The following LRRC8C variants were observed in gnomAD, a reference collection of about 807,000 sequenced individuals.
The protein encoded by LRRC8C is leucine rich repeat containing 8 VRAC subunit C.
Under a neutral mutation model 55.3 loss-of-function variants are expected in LRRC8C, and 20 were observed. The ratio of observed to expected loss-of-function variants is 0.36; its 90% CI spans 0.25 to 0.53. The LOEUF (loss-of-function observed/expected upper bound fraction) is 0.53. LRRC8C is among the 20% of genes least tolerant of loss of function. The pLI, the probability that LRRC8C is intolerant of heterozygous loss-of-function variation, is 0.92. For synonymous variants in LRRC8C, 376 were observed against 360.7 expected (o/e 1.04, Z -0.48); for missense variants, 659 against 951.4 (o/e 0.69, Z 4.04).
intron 1 of LRRC8C, among the ~76,000 whole-genome samples, chr1:89,646,929 CA>C (rs1277308328): frequency 6.6e-6 from 1 of 151,944 alleles, no homozygotes; most frequent in African/African-American, 2.4e-5. Flanking sequence ...TAAAATTTAC[CA>C]AAAAATCTTA....
intron 2 of LRRC8C, 36 bp downstream of exon 2, chr1:89,686,647 A>G: frequency 6.2e-7 from 1 of 1,611,082 alleles, no homozygotes. Flanking sequence ...TGGGGGCCAG[A>G]GCAAAGCACA....
In LRRC8C at chr1:89,713,719, C is replaced by G. The variant is rs760078127; in HGVS notation, c.1149C>G (p.Leu383=). ...MLHMIDQYDP[L]YSKRFAVFLS... is the part of the protein sequence containing the mutation. ...ATATGATAGATCAGTATGACCCTCTCTATTCCAAGAGATTTGCAGTGTTCC... is the reference window on the plus strand; with the variant it reads ...ATATGATAGATCAGTATGACCCTCTGTATTCCAAGAGATTTGCAGTGTTCC... Residue 383 remains leucine, a synonymous_variant, in exon 3 of 3, where the codon CTC becomes CTG. Transcript: ENST00000370454. This position sits in a 1 kb window ranked among gnomAD's most constrained non-coding sequence, Gnocchi z 5.2. The G allele has an allele frequency of 2.3e-5, 37 of 1,614,092 alleles. No homozygotes were observed. The highest frequency in any genetic ancestry group is 1.4e-5 in the Non-Finnish European group (17 of 1,180,048).
chr1:89,648,064 G>T (rs183514319), intron 1 of LRRC8C, among the ~76,000 whole-genome samples: 1 of 152,140 alleles, frequency 6.6e-6, no homozygotes, highest in African/African-American at 2.4e-5. Context: ...GCAAGACCCT[G>T]TCTCAAAAAT....
chr1:89,674,627 A>G lies in LRRC8C; in HGVS notation c.-4-11843A>G, dbSNP rs79498767. Among the ~76,000 whole-genome samples, 1,170 of 152,286 alleles carry G rather than the reference A, an allele frequency of 7.7e-3. 12 individuals are homozygous for G. Among genetic ancestry groups the G allele is most frequent in the Non-Finnish European group, 8.6e-3 (583 of 68,030 alleles). ...TTTTTCCTGGAGGCTGGAGGACCTG[A>G]AATTTTTCCTTCCATCACAAACTTT... is the stretch of plus-strand genomic sequence containing the variant. On this transcript the variant is annotated intron_variant, in intron 1 of 2. Coordinates refer to ENST00000370454, the MANE Select transcript of LRRC8C (RefSeq NM_032270.5).
chr1:89,634,371 A>C (rs549275495), intron 1 of LRRC8C, among the ~76,000 whole-genome samples: 6 of 152,320 alleles, frequency 3.9e-5, no homozygotes, highest in Admixed American at 2.6e-4. Context: ...CTCCATTTAA[A>C]GCAGCCTTTG....
chr1:89,651,460 C>T lies in LRRC8C; in HGVS notation c.-5+18138C>T, dbSNP rs368595533. ...GCGGGCGCCTCTACTCCCAGCTACT[C>T]GGGAGGCTGAGGCAGGAGAATGGCA... On this transcript the variant is annotated intron_variant, in intron 1 of 2. Coordinates refer to ENST00000370454, the MANE Select transcript of LRRC8C (RefSeq NM_032270.5). 6.4e-4 allele frequency among the ~76,000 whole-genome samples: 94 copies of T among 147,060 alleles called. 2 individuals are homozygous for T. Among genetic ancestry groups the T allele is most frequent in the Middle Eastern group, 3.6e-3 (1 of 274 alleles).
At chr1:89,702,967 C>T (rs1437851481) in intron 2 of LRRC8C, among the ~76,000 whole-genome samples, 2 of 152,190 alleles carry the variant, frequency 1.3e-5, no homozygotes, top group African/African-American at 2.4e-5. Context: ...AATCAAAACA[C>T]ACGCTCATGA....
chr1:89,634,630 T>C (rs565538911), intron 1 of LRRC8C, among the ~76,000 whole-genome samples: 136 of 152,362 alleles, frequency 8.9e-4, no homozygotes, highest in Non-Finnish European at 1.4e-3. Context: ...ATAATTTTTA[T>C]ACATTTATAA....
chr1:89,643,017 C>CA (rs34145647), intron 1 of LRRC8C, among the ~76,000 whole-genome samples: 1,388 of 109,346 alleles, frequency 0.013, 27 homozygotes, highest in African/African-American at 0.03. Context: ...GACTGTGTCT[C>CA]AAAAAAAAAA....
intron 2 of LRRC8C, among the ~76,000 whole-genome samples, chr1:89,689,052 C>T (rs193121467): frequency 2.0e-4 from 31 of 152,242 alleles, no homozygotes; most frequent in Admixed American, 9.8e-4. Context: ...GCAGTGTGGA[C>T]GGCTACATGG....
At chr1:89,668,844 T>G (rs986949102) in intron 1 of LRRC8C, among the ~76,000 whole-genome samples, 1 of 152,156 alleles carries the variant, frequency 6.6e-6, no homozygotes, top group African/African-American at 2.4e-5. Flanking sequence ...TTAGTAAGCA[T>G]GATAACATTA....
chr1:89,646,706 A>G (rs1246762999), intron 1 of LRRC8C, among the ~76,000 whole-genome samples: 1 of 152,146 alleles, frequency 6.6e-6, no homozygotes, highest in Non-Finnish European at 1.5e-5. Flanking sequence ...CTAAGCAATT[A>G]TATCTTCTCT....
intron 1 of LRRC8C, chr1:89,668,266 G>A (rs1459523191): frequency 6.6e-6 from 1 of 152,370 alleles, no homozygotes; most frequent in African/African-American, 2.4e-5. Context: ...CAATATTTGG[G>A]GACTGCATTC....
intron 2 of LRRC8C, among the ~76,000 whole-genome samples, chr1:89,706,832 C>T (rs1446673422): frequency 2.0e-5 from 3 of 152,054 alleles, no homozygotes; most frequent in Admixed American, 6.5e-5. Flanking sequence ...TTTCATTGAC[C>T]TTAGAATTGA....
chr1:89,697,446 G>C (rs542838872), intron 2 of LRRC8C, among the ~76,000 whole-genome samples: 1 of 152,240 alleles, frequency 6.6e-6, no homozygotes, highest in South Asian at 2.1e-4. Flanking sequence ...AGGGTTTCTA[G>C]AGCTAAGTCA....
At position 89,714,039 on chromosome 1, in the gene LRRC8C, AG is replaced by A. The variant is rs769643634; in HGVS notation, c.1471del (p.Glu491LysfsTer6). 1 of 1,613,812 alleles carries A rather than the reference AG, an allele frequency of 6.2e-7. No individual in the cohort carries two copies. The highest frequency in any genetic ancestry group is 8.5e-7 in the Non-Finnish European group (1 of 1,180,020). On this transcript the variant is annotated frameshift_variant, in exon 3 of 3. Transcript: ENST00000370454. LOFTEE classifies it high-confidence loss of function. The surrounding 1 kb of genome is among the most constrained non-coding windows in gnomAD (Gnocchi z 4.6). ...CACAGTGCGGCGCTCTCTTTCCTGA[AG>A]GAAAACCTCAAGGTCTTGAGCGTCA... ...KIHSAALSFL[K>X]ENLKVLSVKF...
chr1:89,667,846 T>G (rs1657314908), intron 1 of LRRC8C, among the ~76,000 whole-genome samples: 1 of 152,192 alleles, frequency 6.6e-6, no homozygotes, highest in South Asian at 2.1e-4. Flanking sequence ...ACATAAAGTT[T>G]ACCTAAAGTA....
chr1:89,651,103 A>T (rs1473870195), intron 1 of LRRC8C, among the ~76,000 whole-genome samples: 1 of 152,130 alleles, frequency 6.6e-6, no homozygotes, highest in Admixed American at 6.5e-5. Flanking sequence ...GCTGACAATA[A>T]CTGTTTCTCT....
chr1:89,700,082 TA>T (rs1658276824), intron 2 of LRRC8C, among the ~76,000 whole-genome samples: 8 of 152,202 alleles, frequency 5.3e-5, no homozygotes, highest in Admixed American at 5.2e-4. Context: ...ACATGAAAAT[TA>T]ATTCCTTTCC....
Sources: allele counts gnomAD v4.1 joint callset (sites outside exome capture counted in the v4.1 genomes callset), GRCh38; gene constraint gnomAD v4.1.1; non-coding constraint Gnocchi (gnomAD v3.1); transcripts MANE v1.5; gene names NCBI Gene and HGNC (gene_info 2026-07-23, HGNC 2026-07-21).